POLR2B: variants seen among roughly 807,000 people sequenced by gnomAD.
POLR2B encodes the protein DNA-directed RNA polymerase II subunit RPB2.
POLR2B carries 57 observed loss-of-function variants against 144.6 expected under a neutral mutation model. The ratio of observed to expected loss-of-function variants is 0.39; its 90% CI spans 0.32 to 0.49. The LOEUF (loss-of-function observed/expected upper bound fraction) is 0.49, where lower values mean the gene tolerates loss of function less well. Among genes scored for constraint, POLR2B ranks in the 20% least tolerant of loss-of-function variants. The pLI, the probability that POLR2B is intolerant of heterozygous loss-of-function variation, is 0.83. For missense variants in POLR2B, 595 were observed against 1,467.4 expected (o/e 0.41, Z 9.71); for synonymous variants, 442 against 469.8 (o/e 0.94, Z 0.77).
At chr4:56,981,916 T>C (rs1442281547) in intron 1 of POLR2B, among the ~76,000 whole-genome samples, 1 of 152,220 alleles carries the variant, frequency 6.6e-6, no homozygotes, top group African/African-American at 2.4e-5. Flanking sequence ...ATTTAAAACT[T>C]ATCTAAACCC....
At chr4:57,005,507 G>A (rs1019215487) in intron 8 of POLR2B, 65 bp downstream of exon 8, 17 of 1,484,556 alleles carry the variant, frequency 1.1e-5, no homozygotes, top group Non-Finnish European at 1.4e-5. Context: ...GTTTTTCTTA[G>A]AGTCAAAAAT....
In POLR2B at chr4:56,986,335, A is replaced by G; in HGVS notation, c.20-19A>G. On this transcript the variant is annotated intron_variant, in intron 1 of 24. Coordinates refer to ENST00000314595, the MANE Select transcript of POLR2B (RefSeq NM_000938.3). ...GTGGCATCTCATTGCAAATGAGTAC[A>G]ATATTTTTGTTTTTACAGATATGCA... 2 of 1,511,146 alleles carry G rather than the reference A, an allele frequency of 1.3e-6. No homozygotes were observed. Among genetic ancestry groups the G allele is most frequent in the Non-Finnish European group, 1.8e-6 (2 of 1,086,304 alleles). 93.6% of individuals were successfully genotyped at this position (1,511,146 alleles called of 1,614,324 possible).
rs1723721408 is a variant in POLR2B at position 57,026,387 on chromosome 4, T to C, written c.3239+850T>C. ...CACTGCACCCAGCCCTCTTGATTAT[T>C]TTTAAGCAAAGCCCAGACATCATAT... On this transcript the variant is annotated intron_variant, in intron 23 of 24. Coordinates refer to ENST00000314595, the MANE Select transcript of POLR2B (RefSeq NM_000938.3). Among the ~76,000 whole-genome samples, 3 of 152,178 alleles carry C rather than the reference T, an allele frequency of 2.0e-5. No homozygotes were observed. The South Asian group carries it at 6.2e-4, about 32-fold the overall frequency.
At chr4:57,025,811 G>C (rs577367663) in intron 23 of POLR2B, among the ~76,000 whole-genome samples, 57 of 152,202 alleles carry the variant, frequency 3.7e-4, no homozygotes, top group Middle Eastern at 3.4e-3. Flanking sequence ...CTGGGCACAA[G>C]CAATCCTACC....
intron 6 of POLR2B, among the ~76,000 whole-genome samples, chr4:56,996,347 C>T (rs1205063674): frequency 2.7e-4 from 37 of 137,440 alleles, no homozygotes; most frequent in Non-Finnish European, 1.4e-4. Flanking sequence ...GTGGCATGAT[C>T]TCGGCTCAGT....
rs1474127852 is a variant in POLR2B, at chr4:56,978,900, C to A, written c.-86C>A. ...GGAACGTCGGAGACGGAAGTTACTTCGTCTTTAGCTCCTGGCGCTGCTGGC... is the reference window on the plus strand; with the variant it reads ...GGAACGTCGGAGACGGAAGTTACTTAGTCTTTAGCTCCTGGCGCTGCTGGC... On this transcript the variant is annotated 5_prime_UTR_variant, in exon 1 of 25. Transcript: ENST00000314595. 2.4e-5 allele frequency: 31 copies of A among 1,296,010 alleles called. No individual in the cohort carries two copies. The Admixed American group carries it at 4.9e-4, about 20-fold the overall frequency. The allele number at this position is 1,296,010 out of a possible 1,614,324, so 80.3% of individuals were successfully genotyped here.
At chr4:57,009,136 GAAGT>G (rs1046341682) in intron 10 of POLR2B, among the ~76,000 whole-genome samples, 1 of 152,216 alleles carries the variant, frequency 6.6e-6, no homozygotes, top group African/African-American at 2.4e-5. Context: ...AAATATTTAG[GAAGT>G]AAGTTTCGTA....
chr4:56,990,644 A>C, intron 2 of POLR2B, 104 bp from the exon 3 acceptor site: 1 of 986,130 alleles, frequency 1.0e-6, no homozygotes, highest in Non-Finnish European at 1.5e-6. Context: ...TTGGTATTTT[A>C]TGACTGTTTC....
chr4:57,030,769 A>G (rs377285918), intron 24 of POLR2B, 130 bp from the exon 25 acceptor site: 1 of 627,848 alleles, frequency 1.6e-6, no homozygotes. Flanking sequence ...CTGAGGTAGC[A>G]GAATGTGTGT....
At chr4:56,979,082 T>A in intron 1 of POLR2B, 78 bp downstream of exon 1, 1 of 1,460,410 alleles carries the variant, frequency 6.8e-7, no homozygotes, top group Middle Eastern at 2.3e-4. Context: ...GATTGAGGAT[T>A]TGGGGCCTTC....
intron 1 of POLR2B, chr4:56,986,103 A>C: frequency 2.2e-6 from 1 of 452,194 alleles, no homozygotes; most frequent in Non-Finnish European, 4.0e-6. Flanking sequence ...TGATCAATAA[A>C]ATGGAAAACT....
chr4:56,990,017 C>G (rs1419738081), intron 2 of POLR2B, among the ~76,000 whole-genome samples: 4 of 152,290 alleles, frequency 2.6e-5, no homozygotes, highest in Middle Eastern at 6.8e-3. Context: ...TCTTCTTATC[C>G]TACCTTTAAG....
chr4:56,995,797 T>C (rs1378436920), intron 6 of POLR2B, among the ~76,000 whole-genome samples: 1 of 152,244 alleles, frequency 6.6e-6, no homozygotes, highest in Non-Finnish European at 1.5e-5. Flanking sequence ...TTCCTTGCCA[T>C]GTGGGCCTCT....
chr4:57,019,915 C>T (rs1723488305), intron 16 of POLR2B, among the ~76,000 whole-genome samples: 1 of 152,110 alleles, frequency 6.6e-6, no homozygotes, highest in South Asian at 2.1e-4. Flanking sequence ...TCAGTCTTTC[C>T]TTGTCTTTCA....
At chr4:57,025,348 C>G in intron 22 of POLR2B, 29 bp from the exon 23 acceptor site, 1 of 1,572,506 alleles carries the variant, frequency 6.4e-7, no homozygotes, top group Non-Finnish European at 8.7e-7. Context: ...ATTTTTAGGT[C>G]TACACTTCAA....
rs1723410366 is a variant in POLR2B at position 57,017,536 on chromosome 4, TC to T, written c.2155-23del. The T allele has an allele frequency of 2.6e-6, 4 of 1,555,196 alleles. No individual in the cohort carries two copies. In the East Asian group the frequency reaches 9.0e-5, roughly 35 times the overall value. Reference sequence around the variant, plus strand: ...TTAGTGATAGTAACTTTTTGTTGTTTCTGCTTTTCATTTTTACGTTTAGTCC... The same window carrying T: ...TTAGTGATAGTAACTTTTTGTTGTTTTGCTTTTCATTTTTACGTTTAGTCC... On this transcript the variant is annotated intron_variant, in intron 15 of 24. Coordinates refer to ENST00000314595, the MANE Select transcript of POLR2B (RefSeq NM_000938.3). This position sits in a 1 kb window ranked among gnomAD's most constrained non-coding sequence, Gnocchi z 4.8.
At chr4:56,996,260 G>A (rs1282907452) in intron 6 of POLR2B, among the ~76,000 whole-genome samples, 23 of 71,904 alleles carry the variant, frequency 3.2e-4, no homozygotes, top group Admixed American at 1.0e-3. Flanking sequence ...GTGTGTGTGT[G>A]TGTATATATA....
At chr4:56,985,015 A>G (rs566310599) in intron 1 of POLR2B, among the ~76,000 whole-genome samples, 21 of 152,138 alleles carry the variant, frequency 1.4e-4, no homozygotes, top group African/African-American at 5.1e-4. Flanking sequence ...TTCCACCGTG[A>G]CTCTGGTTCA....
At chr4:57,020,805 G>A (rs1247058825) in intron 16 of POLR2B, 94 bp from the exon 17 acceptor site, 8 of 787,590 alleles carry the variant, frequency 1.0e-5, no homozygotes, top group African/African-American at 5.1e-5. Flanking sequence ...AAGCATTTAT[G>A]GCAAATATGA....
Sources: allele counts gnomAD v4.1 joint callset (sites outside exome capture counted in the v4.1 genomes callset), GRCh38; gene constraint gnomAD v4.1.1; non-coding constraint Gnocchi (gnomAD v3.1); transcripts MANE v1.5; gene names NCBI Gene and HGNC (gene_info 2026-07-23, HGNC 2026-07-21).